The following CACNA2D1 variants were observed in gnomAD, a reference collection of about 807,000 sequenced individuals.
The protein encoded by CACNA2D1 is voltage-dependent calcium channel subunit alpha-2/delta-1.
Under a neutral mutation model 171.5 loss-of-function variants are expected in CACNA2D1, and 53 were observed. The observed-to-expected ratio is 0.31, with a 90% CI of 0.25 to 0.39. The LOEUF (loss-of-function observed/expected upper bound fraction) is 0.39. Among genes scored for constraint, CACNA2D1 ranks in the 10% least tolerant of loss-of-function variants. The pLI is 1.00. For synonymous variants in CACNA2D1, 442 were observed against 443.1 expected, an observed-to-expected ratio of 1.00 and a Z score of 0.03; for missense variants, 903 against 1,299.8, an observed-to-expected ratio of 0.69 and a Z score of 4.69.
At chr7:82,002,448 A>G (rs776080984) in intron 18 of CACNA2D1, among the ~76,000 whole-genome samples, 1 of 152,212 alleles carries the variant, frequency 6.6e-6, no homozygotes, top group Non-Finnish European at 1.5e-5. Flanking sequence ...ATGAACCAAG[A>G]AAATTGTACG....
intron 2 of CACNA2D1, among the ~76,000 whole-genome samples, chr7:82,341,128 C>G (rs1004661537): frequency 2.0e-5 from 3 of 152,008 alleles, no homozygotes; most frequent in African/African-American, 7.3e-5. Flanking sequence ...TGTTCCCTAG[C>G]AACTAAGAAT....
intron 1 of CACNA2D1, among the ~76,000 whole-genome samples, chr7:82,363,370 T>A (rs1462065066): frequency 1.3e-5 from 2 of 148,192 alleles, no homozygotes; most frequent in Admixed American, 6.8e-5. Flanking sequence ...GTTCATGCTA[T>A]TCTCCTGCCT....
intron 3 of CACNA2D1, among the ~76,000 whole-genome samples, chr7:82,216,758 G>C (rs998207249): frequency 6.6e-6 from 1 of 151,750 alleles, no homozygotes; most frequent in Non-Finnish European, 1.5e-5. Context: ...CAAGAGGAAA[G>C]ACCAAAAGGA....
intron 6 of CACNA2D1, among the ~76,000 whole-genome samples, chr7:82,097,733 A>T (rs1318027973): frequency 1.3e-5 from 2 of 152,202 alleles, no homozygotes; most frequent in African/African-American, 4.8e-5. Context: ...AGATTTGGGA[A>T]TCATGTTTCA....
chr7:82,022,353 C>G (rs146851219), intron 12 of CACNA2D1, among the ~76,000 whole-genome samples: 31 of 151,842 alleles, frequency 2.0e-4, no homozygotes, highest in African/African-American at 5.8e-4. Flanking sequence ...AGAATAAATA[C>G]TTGGTTTTTA....
chr7:82,139,152 T>C (rs186765704), intron 4 of CACNA2D1, among the ~76,000 whole-genome samples: 3 of 152,322 alleles, frequency 2.0e-5, no homozygotes, highest in South Asian at 2.1e-4. Flanking sequence ...GGTAAAATAA[T>C]GGATACAAAT....
intron 1 of CACNA2D1, 92 bp from the exon 2 acceptor site, chr7:82,349,741 T>C (rs1382001431): frequency 9.9e-7 from 1 of 1,005,764 alleles, no homozygotes; most frequent in African/African-American, 1.6e-5. Context: ...AGATAATTCA[T>C]TAAAATGCCC....
intron 6 of CACNA2D1, among the ~76,000 whole-genome samples, chr7:82,112,917 G>A (rs1703676039): frequency 6.6e-6 from 1 of 152,120 alleles, no homozygotes; most frequent in Non-Finnish European, 1.5e-5. Context: ...TAATGTCAGT[G>A]ATTATTAGCT....
At chr7:82,318,439 A>C (rs550686702) in intron 3 of CACNA2D1, among the ~76,000 whole-genome samples, 2 of 152,312 alleles carry the variant, frequency 1.3e-5, no homozygotes, top group East Asian at 3.9e-4. Flanking sequence ...TTTTTCACAC[A>C]TAAAAAACTA....
At chr7:82,159,447 C>T (rs1301585168) in intron 4 of CACNA2D1, among the ~76,000 whole-genome samples, 1 of 151,842 alleles carries the variant, frequency 6.6e-6, no homozygotes, top group African/African-American at 2.4e-5. Context: ...TCCATCAAAT[C>T]ACTAGCTTAT....
chr7:82,211,099 T>C (rs138385756), intron 3 of CACNA2D1, among the ~76,000 whole-genome samples: 40 of 152,306 alleles, frequency 2.6e-4, no homozygotes, highest in African/African-American at 9.4e-4. Context: ...ACAGTATCTC[T>C]TCTTTGATAA....
chr7:82,412,885 GAATT>G (rs924552075), intron 1 of CACNA2D1, among the ~76,000 whole-genome samples: 3 of 151,872 alleles, frequency 2.0e-5, no homozygotes, highest in Non-Finnish European at 2.9e-5. Context: ...AATTAATTCA[GAATT>G]AATAACAGAA....
At chr7:82,277,711 TA>T (rs147421677) in intron 3 of CACNA2D1, among the ~76,000 whole-genome samples, 47,563 of 147,678 alleles carry the variant, frequency 0.32, 7,849 homozygotes, top group African/African-American at 0.34. Flanking sequence ...AAGATTGTCA[TA>T]AAAAAATGCA....
intron 3 of CACNA2D1, among the ~76,000 whole-genome samples, chr7:82,225,677 T>G (rs1046362141): frequency 6.6e-6 from 1 of 152,110 alleles, no homozygotes; most frequent in Non-Finnish European, 1.5e-5. Context: ...CTTTTCTTTT[T>G]GGGACGAAGC....
chr7:82,124,221 G>C (rs911143257), intron 5 of CACNA2D1, among the ~76,000 whole-genome samples: 4 of 152,170 alleles, frequency 2.6e-5, no homozygotes, highest in Admixed American at 2.6e-4. Flanking sequence ...GGAACCTAAG[G>C]CCAATTCATA....
chr7:82,216,891 C>CAAAAAA (rs56161307), intron 3 of CACNA2D1, among the ~76,000 whole-genome samples: 1 of 130,324 alleles, frequency 7.7e-6, no homozygotes, highest in Non-Finnish European at 1.6e-5. Flanking sequence ...AGCCTAAATC[C>CAAAAAA]AAAAAAAAAA....
At chr7:82,278,043 A>G (rs1585311952) in intron 3 of CACNA2D1, among the ~76,000 whole-genome samples, 2 of 152,214 alleles carry the variant, frequency 1.3e-5, no homozygotes, top group African/African-American at 4.8e-5. Context: ...CACCACACCC[A>G]GCCTATAACT....
chr7:82,320,045 T>G (rs2129437747), intron 3 of CACNA2D1, among the ~76,000 whole-genome samples: 1 of 151,132 alleles, frequency 6.6e-6, no homozygotes, highest in Admixed American at 6.6e-5. Context: ...GTATCTGGAA[T>G]CAGTAACTGC....
chr7:82,379,263 A>G (rs1823407093), intron 1 of CACNA2D1, among the ~76,000 whole-genome samples: 1 of 152,146 alleles, frequency 6.6e-6, no homozygotes, highest in Admixed American at 6.6e-5. Context: ...CTACTGACTG[A>G]CGAATTTCAA....
Sources: gnomAD v4.1 joint callset for allele counts (sites outside exome capture counted in the v4.1 genomes callset) on GRCh38, gnomAD v4.1.1 for gene constraint, MANE v1.5 for transcripts, NCBI Gene and HGNC (gene_info 2026-07-23, HGNC 2026-07-21) for gene names.